KCNIP3: variants seen among roughly 807,000 people sequenced by gnomAD.
KCNIP3 encodes the protein potassium voltage-gated channel interacting protein 3.
A neutral mutation model predicts 35.0 loss-of-function variants in KCNIP3; 28 were observed. That is an observed-to-expected ratio of 0.80 (90% CI 0.59 to 1.10). The LOEUF (loss-of-function observed/expected upper bound fraction) is 1.10. KCNIP3 is among the 50% of genes least tolerant of loss of function. KCNIP3 has a pLI of 0.00. For missense variants in KCNIP3, 295 were observed against 338.4 expected (o/e 0.87, Z 1.01); for synonymous variants, 134 against 133.8 (o/e 1.00, Z -0.01).
At position 95,374,769 on chromosome 2, in the gene KCNIP3, G is replaced by A. The variant is rs1419492522; in HGVS notation, c.307-79G>A. 6 of 1,518,442 alleles carry A rather than the reference G, an allele frequency of 4.0e-6. No homozygotes were observed. In the African/African-American group the frequency reaches 8.2e-5, roughly 21 times the overall value. The allele number at this position is 1,518,442 out of a possible 1,614,324, so 94.1% of individuals were successfully genotyped here. On this transcript the variant is annotated intron_variant, in intron 3 of 8. Transcript: ENST00000295225. ...CAGGCAGCCCCCAAGGGGGTGGAGAGAGGCCAGCCAGGCACCATGCAGAGT... is the reference window on the plus strand; with the variant it reads ...CAGGCAGCCCCCAAGGGGGTGGAGAAAGGCCAGCCAGGCACCATGCAGAGT...
chr2:95,341,698 C>T (rs1679198787), intron 2 of KCNIP3, among the ~76,000 whole-genome samples: 1 of 152,180 alleles, frequency 6.6e-6, no homozygotes, highest in South Asian at 2.1e-4. Flanking sequence ...AGGGTTGGGA[C>T]CAGGAACTCA....
chr2:95,308,415 G>T (rs990940498), intron 1 of KCNIP3, among the ~76,000 whole-genome samples: 34 of 152,352 alleles, frequency 2.2e-4, no homozygotes, highest in African/African-American at 7.2e-4. Flanking sequence ...CAAAAGCCAG[G>T]ATAAGGGAAC....
chr2:95,352,310 TG>T (rs1232535821), intron 2 of KCNIP3, among the ~76,000 whole-genome samples: 7 of 151,902 alleles, frequency 4.6e-5, no homozygotes, highest in African/African-American at 1.7e-4. Flanking sequence ...GGCCCAACGC[TG>T]GGGCCCTCCA....
intron 2 of KCNIP3, among the ~76,000 whole-genome samples, chr2:95,318,304 G>A (rs567885002): frequency 6.6e-6 from 1 of 152,286 alleles, no homozygotes; most frequent in East Asian, 1.9e-4. Context: ...TGTGCACACT[G>A]ACTCGACCGC....
At chr2:95,322,155 A>G (rs1376205983) in intron 2 of KCNIP3, among the ~76,000 whole-genome samples, 1 of 152,130 alleles carries the variant, frequency 6.6e-6, no homozygotes, top group Non-Finnish European at 1.5e-5. Context: ...GCTTGAGCCC[A>G]GGAGTTCGAG....
rs1251923465 is a variant in KCNIP3, at chr2:95,377,049, C to A, written c.447+1841C>A. 2.0e-5 allele frequency among the ~76,000 whole-genome samples: 3 copies of A among 152,214 alleles called. No individual in the cohort carries two copies. Among genetic ancestry groups the A allele is most frequent in the Non-Finnish European group, 4.4e-5 (3 of 68,042 alleles). On this transcript the variant is annotated intron_variant, in intron 5 of 8. Transcript: ENST00000295225. This position sits in a 1 kb window ranked among gnomAD's most constrained non-coding sequence, Gnocchi z 4.7. The stretch of plus-strand genomic sequence containing the variant: ...ACAGAGCCAAGCGGGCGATGCCATC[C>A]CCACACCCCACCTTGGAGTGGCTCC...
intron 1 of KCNIP3, among the ~76,000 whole-genome samples, chr2:95,309,527 A>C (rs2104208378): frequency 6.6e-6 from 1 of 151,310 alleles, no homozygotes; most frequent in South Asian, 2.1e-4. Context: ...GGGCTCAAGC[A>C]ATTCTCCTGC....
In KCNIP3 at chr2:95,322,615, T is replaced by A. The variant is rs559816733; in HGVS notation, c.181+12095T>A. On this transcript the variant is annotated intron_variant, in intron 2 of 8. Transcript: ENST00000295225. ...GCCACAAGGGCAGGGCTGGTGATAG[T>A]TGGACTGGTTTCAAGGCCCTGAGTT... 1.1e-4 allele frequency among the ~76,000 whole-genome samples: 16 copies of A among 152,298 alleles called. No homozygotes were observed. The East Asian group carries it at 2.7e-3, about 26-fold the overall frequency.
chr2:95,340,981 G>C lies in KCNIP3; in HGVS notation c.181+30461G>C, dbSNP rs543837801. ...ATAAGCCTCCCAGATTTCATGTGAA[G>C]TTGGGCCAGAGCAGAGGCTGTGTGG... On this transcript the variant is annotated intron_variant, in intron 2 of 8. Transcript: ENST00000295225. Among the ~76,000 whole-genome samples, 16 of 152,324 alleles carry C rather than the reference G, an allele frequency of 1.1e-4. 1 individual carries two copies. In the South Asian group the frequency reaches 3.3e-3, roughly 32 times the overall value.
chr2:95,331,318 G>C (rs1247164044), intron 2 of KCNIP3, among the ~76,000 whole-genome samples: 1 of 152,180 alleles, frequency 6.6e-6, no homozygotes, highest in East Asian at 1.9e-4. Flanking sequence ...GCTGCTGGAA[G>C]AACCAAGCTG....
chr2:95,371,373 AT>A (rs1163367164), intron 2 of KCNIP3, among the ~76,000 whole-genome samples: 1 of 152,188 alleles, frequency 6.6e-6, no homozygotes, highest in African/African-American at 2.4e-5. Context: ...TGTATTGTTT[AT>A]TTCCAAATAC....
chr2:95,375,049 G>C lies in KCNIP3; in HGVS notation c.377-89G>C. On this transcript the variant is annotated intron_variant, in intron 4 of 8. Transcript: ENST00000295225. ...AACAGGGACTCCAAGCCAGGACGCA[G>C]TTAGCACCCTCAGCTGGGGTTGCCT... 15 of 1,523,428 alleles carry C rather than the reference G, an allele frequency of 9.8e-6. No individual in the cohort carries two copies. The South Asian group carries it at 1.5e-4, about 15-fold the overall frequency. 94.4% of individuals were successfully genotyped at this position (1,523,428 alleles called of 1,614,324 possible).
At chr2:95,358,200 T>C (rs1679705102) in intron 2 of KCNIP3, among the ~76,000 whole-genome samples, 1 of 152,186 alleles carries the variant, frequency 6.6e-6, no homozygotes, top group African/African-American at 2.4e-5. Flanking sequence ...TATGAGGGGC[T>C]TTGCAGAGGT....
intron 2 of KCNIP3, among the ~76,000 whole-genome samples, chr2:95,326,564 C>T (rs1418563808): frequency 2.0e-5 from 3 of 152,236 alleles, no homozygotes; most frequent in Non-Finnish European, 4.4e-5. Context: ...TACAGGACAC[C>T]CCCTGCTGCA....
chr2:95,374,953 G>T (rs1680139734), intron 4 of KCNIP3, 36 bp downstream of exon 4: 10 of 1,607,210 alleles, frequency 6.2e-6, no homozygotes, highest in Non-Finnish European at 8.5e-6. Context: ...CTGTGTCCCA[G>T]TGTGGAGGGA....
chr2:95,359,799 C>T (rs978381151), intron 2 of KCNIP3, among the ~76,000 whole-genome samples: 6 of 152,244 alleles, frequency 3.9e-5, no homozygotes, highest in African/African-American at 9.6e-5. Context: ...CCTCTGGAGC[C>T]GTGGCCTGAG....
At chr2:95,327,185 A>G (rs1289639120) in intron 2 of KCNIP3, among the ~76,000 whole-genome samples, 13 of 152,142 alleles carry the variant, frequency 8.5e-5, no homozygotes, top group African/African-American at 3.1e-4. Context: ...CCGACTCCCA[A>G]GGTCTCTGCG....
chr2:95,308,985 C>A (rs1463274338), intron 1 of KCNIP3, among the ~76,000 whole-genome samples: 1 of 152,202 alleles, frequency 6.6e-6, no homozygotes, highest in African/African-American at 2.4e-5. Context: ...GGACAACCCA[C>A]CCCCTGAGTG....
At position 95,328,356 on chromosome 2, in the gene KCNIP3, G is replaced by A. The variant is rs533569364; in HGVS notation, c.181+17836G>A. ...TAACTCCCAGAGCAGTGCTGCTGCT[G>A]CTCCACACACTGTCTGAGCCACAGT... On this transcript the variant is annotated intron_variant, in intron 2 of 8. Transcript: ENST00000295225. Among the ~76,000 whole-genome samples the A allele has an allele frequency of 8.5e-4, 129 of 152,364 alleles. 1 individual carries two copies. Among genetic ancestry groups the A allele is most frequent in the African/African-American group, 2.8e-3 (118 of 41,586 alleles).
Sources: gnomAD v4.1 joint callset for allele counts (sites outside exome capture counted in the v4.1 genomes callset) on GRCh38, gnomAD v4.1.1 for gene constraint, Gnocchi (gnomAD v3.1) non-coding constraint, MANE v1.5 for transcripts, NCBI Gene and HGNC (gene_info 2026-07-23, HGNC 2026-07-21) for gene names.